Variants in KIF4A observed in about 807,000 individuals in gnomAD.
KIF4A encodes the protein kinesin family member 4A.
Under a neutral mutation model 105.9 loss-of-function variants are expected in KIF4A, and 7 were observed. The observed-to-expected ratio is 0.07, with a 90% confidence interval of 0.04 to 0.12. The LOEUF is 0.12. Ranked by LOEUF, KIF4A falls within the 10% of genes least tolerant of loss-of-function variation. The pLI, the probability that KIF4A is intolerant of heterozygous loss-of-function variation, is 1.00. For missense variants in KIF4A, 558 were observed against 929.2 expected (o/e 0.60, Z 5.19); for synonymous variants, 281 against 331.3 (o/e 0.85, Z 1.65).
chrX:70,338,035 T>C (rs1048962179), intron 10 of KIF4A, among the ~76,000 whole-genome samples: 1 of 111,982 alleles, frequency 8.9e-6, no homozygotes. Context: ...ATAATTTCTC[T>C]GAATTTATCA....
At chrX:70,334,778 A>G (rs949673656) in intron 10 of KIF4A, among the ~76,000 whole-genome samples, 7 of 112,126 alleles carry the variant, frequency 6.2e-5, no homozygotes, top group Non-Finnish European at 1.3e-4. Flanking sequence ...ACACAAAAAG[A>G]TATACTCAGA....
In KIF4A at chrX:70,320,437, A is replaced by G. The variant is rs2085886062; in HGVS notation, c.779-8968A>G. Among the ~76,000 whole-genome samples, 2 of 112,505 alleles carry G rather than the reference A, an allele frequency of 1.8e-5. 1 individual carries two copies. The highest frequency in any genetic ancestry group is 7.3e-4 in the South Asian group (2 of 2,726). ...TTTGGAATCAACCTAAGTGTTCAAC[A>G]GATGAATGGATAAAGAAAATGTGGC... On this transcript the variant is annotated intron_variant, in intron 7 of 30. Coordinates refer to ENST00000374403, the MANE Select transcript of KIF4A (RefSeq NM_012310.5).
At chrX:70,302,103 T>A in intron 6 of KIF4A, 37 bp downstream of exon 6, 1 of 1,184,732 alleles carries the variant, frequency 8.4e-7, no homozygotes, top group South Asian at 1.8e-5. Flanking sequence ...TTTTTAGTAT[T>A]AGTTCTATTA....
At chrX:70,334,976 A>T (rs1602753488) in intron 10 of KIF4A, among the ~76,000 whole-genome samples, 1 of 111,946 alleles carries the variant, frequency 8.9e-6, no homozygotes, top group Non-Finnish European at 1.9e-5. Context: ...ACTGTGGAAA[A>T]CAGCATGGAG....
chrX:70,337,297 C>T (rs757643703), intron 10 of KIF4A, among the ~76,000 whole-genome samples: 21 of 111,051 alleles, frequency 1.9e-4, no homozygotes, highest in Non-Finnish European at 3.4e-4. Flanking sequence ...CTGTAGTGTG[C>T]TAAAATAGCA....
chrX:70,362,111 T>C (rs753280777), intron 15 of KIF4A: 124 of 172,984 alleles, frequency 7.2e-4, no homozygotes, highest in African/African-American at 3.7e-3. Flanking sequence ...AACTCCATGG[T>C]CTCAAGTGAT....
chrX:70,349,887 G>A (rs1288724895), intron 13 of KIF4A, among the ~76,000 whole-genome samples: 12 of 89,109 alleles, frequency 1.3e-4, no homozygotes, highest in African/African-American at 4.2e-4. Flanking sequence ...CTTCCTAGAC[G>A]GGGTGGCGGC....
intron 15 of KIF4A, among the ~76,000 whole-genome samples, chrX:70,372,361 C>G (rs2086142029): frequency 8.8e-6 from 1 of 113,152 alleles, no homozygotes; most frequent in Non-Finnish European, 1.9e-5. Flanking sequence ...CCATTGAGCA[C>G]TGAGTGAACC....
chrX:70,372,670 C>CAGAGGG (rs907917852), intron 15 of KIF4A, among the ~76,000 whole-genome samples: 8 of 107,132 alleles, frequency 7.5e-5, no homozygotes, highest in South Asian at 4.0e-4. Context: ...GAGAGGGAGA[C>CAGAGGG]AGAGGGAGAG....
At chrX:70,404,516 G>C (rs764243328) in intron 24 of KIF4A, among the ~76,000 whole-genome samples, 199 bp from the exon 25 acceptor site, 14 of 63,141 alleles carry the variant, frequency 2.2e-4, no homozygotes, top group African/African-American at 6.0e-4. Context: ...CTGCAGCCTG[G>C]GCAACAGAAA....
Position 70,302,401 on chromosome X carries a change from A to G in KIF4A, c.778+3A>G, listed in dbSNP as rs1177154926. ...TGAAGGGGATCGTCTAAAAGAGGGT[A>G]AGAGAGTAATTAAGGTCACAGTTGT... On this transcript the variant is annotated splice_donor_region_variant and intron_variant, in intron 7 of 30. Transcript: ENST00000374403. 1 of 1,206,464 alleles carries G rather than the reference A, an allele frequency of 8.3e-7. No homozygotes were observed. The highest frequency in any genetic ancestry group is 1.1e-6 in the Non-Finnish European group (1 of 892,308).
chrX:70,401,358 G>A (rs970411196), intron 22 of KIF4A, among the ~76,000 whole-genome samples: 2 of 108,867 alleles, frequency 1.8e-5, no homozygotes, highest in African/African-American at 3.4e-5. Context: ...GATTGCAGGC[G>A]TGAACTACCT....
intron 3 of KIF4A, among the ~76,000 whole-genome samples, chrX:70,293,589 A>G (rs1289599673): frequency 8.9e-6 from 1 of 112,378 alleles, no homozygotes; most frequent in Non-Finnish European, 1.9e-5. Flanking sequence ...GTGCATGTAT[A>G]CAAACCTAGA....
intron 20 of KIF4A, among the ~76,000 whole-genome samples, chrX:70,392,167 C>T (rs999755002): frequency 9.0e-6 from 1 of 111,346 alleles, no homozygotes; most frequent in Admixed American, 9.6e-5. Flanking sequence ...GTAATACTGG[C>T]CTCAGAAAGA....
intron 28 of KIF4A, among the ~76,000 whole-genome samples, chrX:70,410,379 T>TG (rs1381393524): frequency 1.8e-5 from 2 of 111,705 alleles, no homozygotes; most frequent in African/African-American, 3.3e-5. Flanking sequence ...AAGGAGATGC[T>TG]GGGGGGTAAG....
At chrX:70,300,350 A>AT (rs2085800095) in intron 5 of KIF4A, among the ~76,000 whole-genome samples, 2 of 111,659 alleles carry the variant, frequency 1.8e-5, no homozygotes, top group Non-Finnish European at 3.8e-5. Context: ...TATATACCCC[A>AT]TGTTAAGGCA....
At chrX:70,346,030 C>T (rs974798745) in intron 13 of KIF4A, among the ~76,000 whole-genome samples, 2 of 111,429 alleles carry the variant, frequency 1.8e-5, no homozygotes, top group African/African-American at 6.5e-5. Context: ...GACAGGCCAA[C>T]TCTGGGCACA....
chrX:70,350,762 A>T (rs2086027227), intron 13 of KIF4A, among the ~76,000 whole-genome samples: 1 of 112,191 alleles, frequency 8.9e-6, no homozygotes, highest in African/African-American at 3.2e-5. Flanking sequence ...CAACTATGTA[A>T]TGTTTCATAA....
chrX:70,310,717 T>G (rs145737814), intron 7 of KIF4A, among the ~76,000 whole-genome samples: 446 of 111,684 alleles, frequency 4.0e-3, no homozygotes, highest in Middle Eastern at 9.2e-3. Flanking sequence ...TTTTTTACGT[T>G]TTTTTGTATG....
Sources: gnomAD v4.1 joint callset for allele counts (sites outside exome capture counted in the v4.1 genomes callset) on GRCh38, gnomAD v4.1.1 for gene constraint, MANE v1.5 for transcripts, NCBI Gene and HGNC (gene_info 2026-07-23, HGNC 2026-07-21) for gene names.